KAZN: variants seen among roughly 807,000 people sequenced by gnomAD.
The protein encoded by KAZN is kazrin, periplakin interacting protein, also known as kazrin.
In KAZN, 40 loss-of-function variants were observed where a neutral mutation model predicts 87.4. The observed-to-expected ratio is 0.46, with a 90% CI of 0.36 to 0.60. KAZN has a LOEUF of 0.60. KAZN is among the 20% of genes least tolerant of loss of function. The pLI, the probability that KAZN is intolerant of heterozygous loss-of-function variation, is 0.00. For missense variants in KAZN, 898 were observed against 1,073.9 expected (o/e 0.84, Z 2.29); for synonymous variants, 466 against 458.3 (o/e 1.02, Z -0.22).
At chr1:14,868,394 G>C (rs1378218786) in intron 1 of KAZN, among the ~76,000 whole-genome samples, 1 of 152,156 alleles carries the variant, frequency 6.6e-6, no homozygotes, top group East Asian at 1.9e-4. Flanking sequence ...TCCTGGGATG[G>C]GAGCCATTTT....
At chr1:14,834,868 A>G (rs887245923) in intron 1 of KAZN, among the ~76,000 whole-genome samples, 9 of 152,184 alleles carry the variant, frequency 5.9e-5, no homozygotes, top group Non-Finnish European at 1.2e-4. Flanking sequence ...TATTGTTATA[A>G]CACTGAGTCT....
At position 15,069,181 on chromosome 1, in the gene KAZN, C is replaced by T. The variant is rs150921429; in HGVS notation, c.1222+3428C>T. Among the ~76,000 whole-genome samples the T allele has an allele frequency of 1.4e-3, 210 of 152,310 alleles. 2 individuals are homozygous for T. The highest frequency in any genetic ancestry group is 4.4e-3 in the African/African-American group (183 of 41,572). The stretch of plus-strand genomic sequence containing the variant: ...CACGCATGCCCCTACTCCCCTCTCC[C>T]TGGCCCCATGCAGACATCACCAATC... On this transcript the variant is annotated intron_variant, in intron 8 of 14. Coordinates refer to ENST00000376030, the MANE Select transcript of KAZN (RefSeq NM_201628.3).
chr1:14,053,916 G>A (rs773642750), intron 1 of KAZN, among the ~76,000 whole-genome samples: 1 of 151,992 alleles, frequency 6.6e-6, no homozygotes, highest in Non-Finnish European at 1.5e-5. Flanking sequence ...AATAAAGTAA[G>A]CTAGAGAAAA....
chr1:14,289,388 A>C (rs1411590092), intron 2 of KAZN, among the ~76,000 whole-genome samples: 1 of 152,194 alleles, frequency 6.6e-6, no homozygotes, highest in East Asian at 1.9e-4. Flanking sequence ...ATATATATTT[A>C]GGATAGTTAG....
intron 2 of KAZN, among the ~76,000 whole-genome samples, chr1:14,304,311 A>G (rs933177383): frequency 2.0e-5 from 3 of 152,216 alleles, no homozygotes; most frequent in Admixed American, 6.5e-5. Context: ...TTGAGATTCA[A>G]AAACTTAAAG....
At chr1:13,992,249 A>G (rs1407169427) in intron 1 of KAZN, among the ~76,000 whole-genome samples, 2 of 152,154 alleles carry the variant, frequency 1.3e-5, no homozygotes, top group Non-Finnish European at 2.9e-5. Flanking sequence ...ACGTCACTTT[A>G]TGTAGTAGAA....
At chr1:14,781,191 A>G (rs1239556755) in intron 1 of KAZN, among the ~76,000 whole-genome samples, 1 of 152,200 alleles carries the variant, frequency 6.6e-6, no homozygotes, top group African/African-American at 2.4e-5. Context: ...GCATGGTGGC[A>G]GGCACCTGTA....
At chr1:14,361,397 T>C (rs1201297830) in intron 2 of KAZN, among the ~76,000 whole-genome samples, 1 of 152,198 alleles carries the variant, frequency 6.6e-6, no homozygotes, top group East Asian at 1.9e-4. Flanking sequence ...TGCTGAGCAC[T>C]TGGGTGGGAA....
Position 15,099,136 on chromosome 1 carries a change from C to A in KAZN, c.1548-2407C>A, listed in dbSNP as rs531648918. 6.6e-6 allele frequency among the ~76,000 whole-genome samples: 1 copy of A among 152,068 alleles called. No individual in the cohort carries two copies. The highest frequency in any genetic ancestry group is 2.1e-4 in the South Asian group (1 of 4,818). On this transcript the variant is annotated intron_variant, in intron 10 of 14. Coordinates refer to ENST00000376030, the MANE Select transcript of KAZN (RefSeq NM_201628.3). The surrounding 1 kb of genome is among the most constrained non-coding windows in gnomAD (Gnocchi z 5.4). ...AAGAGGGTGGGGTAGAGGACAGGCC[C>A]GGAGACAAGGGGGTCCCAGTGGACC...
intron 2 of KAZN, among the ~76,000 whole-genome samples, chr1:14,451,303 A>T (rs1485302563): frequency 6.6e-6 from 1 of 152,162 alleles, no homozygotes; most frequent in East Asian, 1.9e-4. Context: ...TCATCTACCC[A>T]TGATTCATAC....
intron 2 of KAZN, among the ~76,000 whole-genome samples, chr1:14,550,861 C>T (rs1179586972): frequency 2.0e-5 from 3 of 150,092 alleles, no homozygotes; most frequent in Non-Finnish European, 3.0e-5. Flanking sequence ...GTCCTCCCTT[C>T]CCATACCCAA....
At chr1:14,945,772 C>A in intron 1 of KAZN, 2 of 509,600 alleles carry the variant, frequency 3.9e-6, no homozygotes, top group Non-Finnish European at 5.1e-6. Flanking sequence ...TTGTGAGCTG[C>A]CCCGCAGCAC....
rs1023037596 is a variant in KAZN at position 13,942,496 on chromosome 1, C to T, written c.91+48740C>T. 3.2e-3 allele frequency among the ~76,000 whole-genome samples: 424 copies of T among 132,150 alleles called. 2 individuals are homozygous for T. Among genetic ancestry groups the T allele is most frequent in the African/African-American group, 0.012 (405 of 34,850 alleles). The allele number at this position is 132,150 out of a possible 152,430, so 86.7% of individuals were successfully genotyped here. On this transcript the variant is annotated intron_variant, in intron 1 of 16. Coordinates refer to the KAZN transcript ENST00000636203. ...CGGAGCTTGCAGTGAGCCGAGATTG[C>T]GCCACTGCAGTCCGCAGTCCGGCCT...
chr1:14,061,932 A>G (rs1435716815), intron 1 of KAZN, among the ~76,000 whole-genome samples: 2 of 152,112 alleles, frequency 1.3e-5, no homozygotes, highest in Non-Finnish European at 2.9e-5. Context: ...TTGCTTATGG[A>G]CTTGCTAACT....
chr1:14,069,182 G>T (rs1448102888), intron 1 of KAZN, among the ~76,000 whole-genome samples: 2 of 152,214 alleles, frequency 1.3e-5, no homozygotes, highest in African/African-American at 2.4e-5. Flanking sequence ...TGGGTAAAGA[G>T]AGCAGGATGG....
chr1:14,845,956 A>G (rs1648703145), intron 1 of KAZN, among the ~76,000 whole-genome samples: 1 of 152,148 alleles, frequency 6.6e-6, no homozygotes, highest in Admixed American at 6.5e-5. Flanking sequence ...GGAGTCCTCA[A>G]GCCAAGTTAG....
At chr1:14,570,839 C>T (rs556741044) in intron 2 of KAZN, among the ~76,000 whole-genome samples, 30 of 152,238 alleles carry the variant, frequency 2.0e-4, no homozygotes, top group African/African-American at 7.0e-4. Flanking sequence ...ATCTTATATT[C>T]GCACCAGCAA....
chr1:14,966,089 C>T (rs1444841117), intron 2 of KAZN, among the ~76,000 whole-genome samples: 1 of 150,084 alleles, frequency 6.7e-6, no homozygotes, highest in African/African-American at 2.5e-5. Context: ...AAGTGATTCT[C>T]GTGCCTCAGC....
chr1:14,345,367 C>G (rs559490963), intron 2 of KAZN, among the ~76,000 whole-genome samples: 1 of 143,094 alleles, frequency 7.0e-6, no homozygotes, highest in African/African-American at 2.5e-5. Context: ...TCAGAGAGAC[C>G]TAAACATCTG....
Sources: allele counts gnomAD v4.1 joint callset (sites outside exome capture counted in the v4.1 genomes callset), GRCh38; gene constraint gnomAD v4.1.1; non-coding constraint Gnocchi (gnomAD v3.1); transcripts MANE v1.5; gene names NCBI Gene and HGNC (gene_info 2026-07-23, HGNC 2026-07-21).